Variants in WAPL observed in about 807,000 individuals in gnomAD.
WAPL encodes wings apart-like protein homolog.
Under a neutral mutation model 121.0 loss-of-function variants are expected in WAPL, and 5 were observed. The observed-to-expected ratio is 0.04, with a 90% confidence interval of 0.02 to 0.09. The LOEUF is 0.09. Ranked by LOEUF, WAPL falls within the 10% of genes least tolerant of loss-of-function variation. The pLI is 1.00. For missense variants in WAPL, 999 were observed against 1,410.8 expected (o/e 0.71, Z 4.68); for synonymous variants, 480 against 481.5 (o/e 1.00, Z 0.04).
intron 2 of WAPL, among the ~76,000 whole-genome samples, chr10:86,511,897 T>C (rs1317703931): frequency 1.3e-5 from 2 of 151,986 alleles, no homozygotes; most frequent in East Asian, 3.8e-4. Context: ...CCAGCCTGGA[T>C]GAGAGAGTAA....
At chr10:86,505,591 C>G (rs1842334408) in intron 2 of WAPL, among the ~76,000 whole-genome samples, 1 of 151,824 alleles carries the variant, frequency 6.6e-6, no homozygotes, top group Non-Finnish European at 1.5e-5. Flanking sequence ...CCGGTCACAG[C>G]CCTTAAAAAT....
At chr10:86,460,988 C>T (rs1003926836) in intron 10 of WAPL, among the ~76,000 whole-genome samples, 188 bp downstream of exon 10, 16 of 152,202 alleles carry the variant, frequency 1.1e-4, no homozygotes, top group Non-Finnish European at 2.1e-4. Flanking sequence ...GCTGGGATTA[C>T]AGGCATGAGC....
intron 9 of WAPL, among the ~76,000 whole-genome samples, chr10:86,465,172 C>T (rs1194271031): frequency 1.3e-5 from 2 of 152,102 alleles, no homozygotes; most frequent in Non-Finnish European, 2.9e-5. Context: ...GAGACACTGG[C>T]TTTTGTTTTT....
At chr10:86,513,635 T>G (rs1447384839) in intron 2 of WAPL, among the ~76,000 whole-genome samples, 1 of 152,162 alleles carries the variant, frequency 6.6e-6, no homozygotes. Flanking sequence ...AAAAGTACTA[T>G]CCGTTATAAA....
intron 2 of WAPL, among the ~76,000 whole-genome samples, chr10:86,515,367 A>G (rs1406804169): frequency 1.3e-5 from 2 of 152,046 alleles, no homozygotes; most frequent in Admixed American, 6.6e-5. Context: ...TAGGTGCTCA[A>G]TATGTTGATA....
In WAPL at chr10:86,452,283, GAAAAAAAGAAAAA is replaced by G. The variant is rs1033483417; in HGVS notation, c.2950-165_2950-153del. On this transcript the variant is annotated intron_variant, in intron 14 of 18. Coordinates refer to ENST00000298767, the MANE Select transcript of WAPL (RefSeq NM_015045.5). The stretch of plus-strand genomic sequence containing the variant: ...AAAAACCAGTATGAAAGGCCAAAAA[GAAAAAAAGAAAAA>G]AAAAAAAGAAAAAAGGCCAGGCACA... 8.4e-5 allele frequency: 28 copies of G among 332,250 alleles called. No individual in the cohort carries two copies. The South Asian group carries it at 1.0e-3, about 12-fold the overall frequency. The allele number at this position is 332,250 out of a possible 1,614,324, so 20.6% of individuals were successfully genotyped here. A position where few individuals can be genotyped will look rare whatever the true frequency, so the allele number is the denominator to read the frequency against.
intron 8 of WAPL, among the ~76,000 whole-genome samples, chr10:86,468,972 C>T (rs1304374855): frequency 1.3e-5 from 2 of 151,886 alleles, no homozygotes; most frequent in African/African-American, 4.8e-5. Flanking sequence ...GGCATGGTGA[C>T]GCACCTCTGT....
In WAPL at chr10:86,451,825, C is replaced by G. The variant is rs1840988356; in HGVS notation, c.3114+142G>C. ...CCAGCAGAGACATGCTTCAGGAGTT[C>G]TAACTAAAAAGGCCGGGGGAGGGGC... On this transcript the variant is annotated intron_variant, in intron 15 of 18. Coordinates refer to ENST00000298767, the MANE Select transcript of WAPL (RefSeq NM_015045.5). The G allele has an allele frequency of 3.5e-6, 3 of 857,568 alleles. No individual in the cohort carries two copies. The Admixed American group carries it at 8.3e-5, about 24-fold the overall frequency. 53.1% of individuals were successfully genotyped at this position (857,568 alleles called of 1,614,324 possible).
At chr10:86,483,794 CTTTTTTTTTTTTTTT>C (rs35725128) in intron 4 of WAPL, among the ~76,000 whole-genome samples, 4 of 69,212 alleles carry the variant, frequency 5.8e-5, no homozygotes, top group South Asian at 6.9e-4. Flanking sequence ...ATTTTTTTTT[CTTTTTTTTTTTTTTT>C]TTTTTTTGGC....
intron 3 of WAPL, among the ~76,000 whole-genome samples, chr10:86,498,584 CATA>C (rs920709349): frequency 6.6e-6 from 1 of 152,072 alleles, no homozygotes; most frequent in African/African-American, 2.4e-5. Flanking sequence ...TCTAATTTAC[CATA>C]ATGACACTTC....
intron 8 of WAPL, among the ~76,000 whole-genome samples, chr10:86,470,389 C>A (rs1031560032): frequency 3.3e-5 from 5 of 152,118 alleles, no homozygotes; most frequent in Non-Finnish European, 5.9e-5. Flanking sequence ...AACATAATTT[C>A]TTTAACAAAA....
chr10:86,487,213 G>A (rs1047395448), intron 4 of WAPL, among the ~76,000 whole-genome samples: 1 of 151,892 alleles, frequency 6.6e-6, no homozygotes, highest in African/African-American at 2.4e-5. Context: ...CACAAGCAGG[G>A]CAAGCAGAAG....
chr10:86,452,468 T>A (rs1693693355), intron 14 of WAPL, among the ~76,000 whole-genome samples: 1 of 152,022 alleles, frequency 6.6e-6, no homozygotes. Flanking sequence ...GTCAGATGCC[T>A]GTAATCCCAC....
At position 86,472,427 on chromosome 10, in the gene WAPL, T is replaced by C. The variant is rs1245405064; in HGVS notation, c.1894-83A>G. Reference sequence around the variant, plus strand: ...ATGGGCTCACTGTACTTTACATAAGTGCATAAAATAGTTCATTAGATGGCA... The same window carrying C: ...ATGGGCTCACTGTACTTTACATAAGCGCATAAAATAGTTCATTAGATGGCA... On this transcript the variant is annotated intron_variant, in intron 6 of 18. Coordinates refer to ENST00000298767, the MANE Select transcript of WAPL (RefSeq NM_015045.5). The surrounding 1 kb of genome is among the most constrained non-coding windows in gnomAD (Gnocchi z 4.2). The C allele has an allele frequency of 3.9e-6, 6 of 1,534,768 alleles. No homozygotes were observed. In the African/African-American group the frequency reaches 7.0e-5, roughly 18 times the overall value.
chr10:86,454,386 T>C (rs1841079190), intron 12 of WAPL, among the ~76,000 whole-genome samples: 1 of 151,944 alleles, frequency 6.6e-6, no homozygotes, highest in Non-Finnish European at 1.5e-5. Context: ...CCCTCCACAA[T>C]CTCCCTCTCC....
chr10:86,505,379 C>T (rs11202046), intron 2 of WAPL, among the ~76,000 whole-genome samples: 5 of 142,208 alleles, frequency 3.5e-5, no homozygotes, highest in Non-Finnish European at 4.5e-5. Flanking sequence ...CCACCTCCCA[C>T]GTTCAAGTGA....
At chr10:86,516,279 T>C (rs1240114313) in intron 2 of WAPL, among the ~76,000 whole-genome samples, 1 of 152,096 alleles carries the variant, frequency 6.6e-6, no homozygotes, top group Non-Finnish European at 1.5e-5. Context: ...ACCCTGAGGA[T>C]CAAGGGAATG....
At chr10:86,483,755 T>C (rs1040959249) in intron 4 of WAPL, among the ~76,000 whole-genome samples, 1 of 145,724 alleles carries the variant, frequency 6.9e-6, no homozygotes, top group Non-Finnish European at 1.5e-5. Flanking sequence ...GGCTGGTGTA[T>C]CTTAAGTTTT....
intron 4 of WAPL, among the ~76,000 whole-genome samples, chr10:86,492,873 C>T (rs1488949487): frequency 6.6e-6 from 1 of 152,026 alleles, no homozygotes; most frequent in Middle Eastern, 3.2e-3. Context: ...CTGGCTAACA[C>T]TGTGAAACCC....
Sources: allele counts gnomAD v4.1 joint callset (sites outside exome capture counted in the v4.1 genomes callset), GRCh38; gene constraint gnomAD v4.1.1; non-coding constraint Gnocchi (gnomAD v3.1); transcripts MANE v1.5; gene names NCBI Gene and HGNC (gene_info 2026-07-23, HGNC 2026-07-21).